Variants in ARID2 observed in about 807,000 individuals in gnomAD.
ARID2 encodes AT-rich interactive domain-containing protein 2.
Under a neutral mutation model 184.6 loss-of-function variants are expected in ARID2, and 32 were observed. That is an observed-to-expected ratio of 0.17 (90% CI 0.13 to 0.23). The LOEUF (loss-of-function observed/expected upper bound fraction) is 0.23. ARID2 is among the 10% of genes least tolerant of loss of function. ARID2 has a pLI of 1.00. For missense variants in ARID2, 1,696 were observed against 2,197.6 expected (o/e 0.77, Z 4.56); for synonymous variants, 836 against 772.6 (o/e 1.08, Z -1.36).
In ARID2 at chr12:45,852,134, G is replaced by A. The variant is rs2138176305; in HGVS notation, c.4011G>A (p.Gly1337=). Residue 1337 remains glycine (G), a synonymous_variant, in exon 15 of 21, where the codon GGG becomes GGA. Transcript: ENST00000334344. ...SLELGENGAS[G]KQNSEQIDMQ... ...AATTAGGTGAGAATGGAGCATCTGG[G>A]AAACAGAACTCAGAACAAATAGACA... 6 of 1,614,112 alleles carry A rather than the reference G, an allele frequency of 3.7e-6. No individual in the cohort carries two copies. In the South Asian group the frequency reaches 6.6e-5, roughly 18 times the overall value.
At position 45,906,960 on chromosome 12, in the gene ARID2, CA is replaced by C. The variant is rs1286278890; in HGVS notation, c.*1883del. The C allele has an allele frequency of 1.3e-5, 3 of 231,614 alleles. No individual in the cohort carries two copies. The highest frequency in any genetic ancestry group is 6.6e-5 in the African/African-American group (3 of 45,244). The allele number at this position is 231,614 out of a possible 1,614,324, so 14.3% of individuals were successfully genotyped here. On this transcript the variant is annotated 3_prime_UTR_variant, in exon 21 of 21. Transcript: ENST00000334344. The stretch of plus-strand genomic sequence containing the variant: ...CTTAGAGTGAAAAAGCCTCAGTTTC[CA>C]TATTAAAAATGTTTTAAATATTTTG...
At chr12:45,857,583 A>G (rs921558147) in intron 15 of ARID2, among the ~76,000 whole-genome samples, 4 of 152,192 alleles carry the variant, frequency 2.6e-5, no homozygotes, top group Non-Finnish European at 5.9e-5. Context: ...AAATGAGGAA[A>G]TGTTAGAGCT....
In ARID2 at chr12:45,836,603, C is replaced by T. The variant is rs975467320; in HGVS notation, c.720C>T (p.Ile240=). The T allele has an allele frequency of 1.4e-5, 23 of 1,609,464 alleles. No homozygotes were observed. The highest frequency in any genetic ancestry group is 2.2e-5 in the South Asian group (2 of 89,668). ...DRDFVKFWKD[I]VDDNEVRDLI... ...TATCATTACAGTTTTGGAAAGACAT[C>T]GTTGATGATAATGAAGTTCGTGACC... is the stretch of plus-strand genomic sequence containing the variant. Residue 240 remains isoleucine (I), a synonymous_variant, in exon 7 of 21, where the codon ATC becomes ATT. Coordinates refer to ENST00000334344, the MANE Select transcript of ARID2 (RefSeq NM_152641.4).
chr12:45,854,726 T>C (rs920891849), intron 15 of ARID2, among the ~76,000 whole-genome samples: 2 of 152,224 alleles, frequency 1.3e-5, no homozygotes, highest in African/African-American at 4.8e-5. Flanking sequence ...CCAACACTCA[T>C]TTTTTGTACC....
intron 3 of ARID2, among the ~76,000 whole-genome samples, chr12:45,741,541 T>C (rs1383537982): frequency 6.6e-6 from 1 of 152,190 alleles, no homozygotes; most frequent in African/African-American, 2.4e-5. Context: ...TTTTCATTCT[T>C]ATTTATTTAT....
In ARID2 at chr12:45,837,499, C is replaced by T. The variant is rs778844463; in HGVS notation, c.1122C>T (p.Gly374=). The part of the protein sequence containing the change: ...MSRDRFLKMR[G]MEILGNLCKA... Reference sequence around the variant, plus strand: ...AATACATATTTGTATGTTTTTCAGGCATGGAAATTTTGGGAAATCTTTGCA... The same window carrying T: ...AATACATATTTGTATGTTTTTCAGGTATGGAAATTTTGGGAAATCTTTGCA... Residue 374 remains glycine, a splice_region_variant and synonymous_variant, in exon 10 of 21, where the codon GGC becomes GGT. Coordinates refer to ENST00000334344, the MANE Select transcript of ARID2 (RefSeq NM_152641.4). 2.3e-5 allele frequency: 37 copies of T among 1,613,656 alleles called. No individual in the cohort carries two copies. The South Asian group carries it at 3.2e-4, about 14-fold the overall frequency.
chr12:45,823,195 A>G (rs1393669058), intron 6 of ARID2, among the ~76,000 whole-genome samples: 1 of 152,182 alleles, frequency 6.6e-6, no homozygotes, highest in Non-Finnish European at 1.5e-5. Context: ...TGTTAATACA[A>G]GAAAATTAAC....
rs144591817 is a variant in ARID2, at chr12:45,846,856, C to G, written c.1499C>G (p.Ala500Gly). ...QTQTHVASAP[A>G]SRAVVAQHVA... is the part of the protein sequence containing the mutation. The stretch of plus-strand genomic sequence containing the variant: ...GTAGCTAATGTATTTTTTTCTTTAG[C>G]TTCCAGAGCAGTTGTAGCGCAGCAT... Residue 500 changes from alanine to glycine, a missense_variant and splice_region_variant, in exon 12 of 21, where the codon GCT becomes GGT. Coordinates refer to ENST00000334344, the MANE Select transcript of ARID2 (RefSeq NM_152641.4). 714 of 1,610,716 alleles carry G rather than the reference C, an allele frequency of 4.4e-4. No homozygotes were observed. Among genetic ancestry groups the G allele is most frequent in the Non-Finnish European group, 5.9e-4 (697 of 1,178,442 alleles).
intron 3 of ARID2, among the ~76,000 whole-genome samples, chr12:45,746,774 AT>A (rs926904684): frequency 2.1e-4 from 32 of 149,460 alleles, no homozygotes; most frequent in Non-Finnish European, 4.2e-4. Context: ...TGGATCTAGT[AT>A]TTTTTTTTTG....
intron 16 of ARID2, among the ~76,000 whole-genome samples, chr12:45,875,807 T>C (rs1195290724): frequency 1.3e-5 from 2 of 152,194 alleles, no homozygotes; most frequent in East Asian, 1.9e-4. Context: ...AACCTATGCA[T>C]AGAATTTAAG....
chr12:45,827,076 G>A (rs1051425088), intron 6 of ARID2, among the ~76,000 whole-genome samples: 4 of 151,180 alleles, frequency 2.6e-5, no homozygotes, highest in Admixed American at 6.6e-5. Context: ...TGGGATGTAC[G>A]TACTCACATC....
chr12:45,891,022 G>A (rs1046252394), intron 16 of ARID2, among the ~76,000 whole-genome samples: 3 of 151,974 alleles, frequency 2.0e-5, no homozygotes, highest in Admixed American at 6.6e-5. Flanking sequence ...AAAATTAGCC[G>A]CGCATGGTGG....
In ARID2 at chr12:45,809,074, C is replaced by T. The variant is rs140154746; in HGVS notation, c.285-2344C>T. 2.6e-3 allele frequency among the ~76,000 whole-genome samples: 392 copies of T among 152,190 alleles called. 3 individuals are homozygous for T. The highest frequency in any genetic ancestry group is 8.7e-3 in the African/African-American group (361 of 41,516). On this transcript the variant is annotated intron_variant, in intron 3 of 20. Coordinates refer to ENST00000334344, the MANE Select transcript of ARID2 (RefSeq NM_152641.4). ...GCCACTGCACCCACCCTAAAAAACACGTAAATTTTAAATCTACTGTACTAA... is the reference window on the plus strand; with the variant it reads ...GCCACTGCACCCACCCTAAAAAACATGTAAATTTTAAATCTACTGTACTAA...
chr12:45,844,444 C>T (rs1222847368), intron 11 of ARID2, among the ~76,000 whole-genome samples: 2 of 152,154 alleles, frequency 1.3e-5, no homozygotes, highest in African/African-American at 4.8e-5. Context: ...CATTACTCTA[C>T]AATTTATCTG....
At position 45,905,480 on chromosome 12, in the gene ARID2, C is replaced by T. The variant is rs1487468834; in HGVS notation, c.*402C>T. On this transcript the variant is annotated 3_prime_UTR_variant, in exon 21 of 21. Coordinates refer to ENST00000334344, the MANE Select transcript of ARID2 (RefSeq NM_152641.4). ...ATTTTTATCTATATCCAAAAAGGAG[C>T]ACATTTTTATATTTACAAAACCGTT... 4.3e-6 allele frequency: 1 copy of T among 233,766 alleles called. No individual in the cohort carries two copies. The highest frequency in any genetic ancestry group is 2.2e-5 in the African/African-American group (1 of 45,312). The allele number at this position is 233,766 out of a possible 1,614,324, so 14.5% of individuals were successfully genotyped here. A position where few individuals can be genotyped will look rare whatever the true frequency, so the allele number is the denominator to read the frequency against.
rs75596370 is a variant in ARID2, at chr12:45,772,209, A to T, written c.285-39209A>T. Among the ~76,000 whole-genome samples, 627 of 152,360 alleles carry T rather than the reference A, an allele frequency of 4.1e-3. 6 individuals are homozygous for T. The highest frequency in any genetic ancestry group is 0.013 in the African/African-American group (546 of 41,582). On this transcript the variant is annotated intron_variant, in intron 3 of 20. Transcript: ENST00000334344. ...AGGAATGGAGAAACAAAAACATGAG[A>T]TACACACAGAACAAAAAGTAGATTA...
At chr12:45,750,388 A>G (rs1941439976) in intron 3 of ARID2, among the ~76,000 whole-genome samples, 1 of 152,092 alleles carries the variant, frequency 6.6e-6, no homozygotes, top group African/African-American at 2.4e-5. Context: ...CATAATGGAT[A>G]TAATAATAAT....
At chr12:45,838,139 A>G (rs750608485) in intron 10 of ARID2, among the ~76,000 whole-genome samples, 9 of 152,318 alleles carry the variant, frequency 5.9e-5, no homozygotes, top group Middle Eastern at 3.4e-3. Flanking sequence ...TCTGTTTCAT[A>G]TGGCCAGCTA....
At chr12:45,742,046 C>T (rs533306290) in intron 3 of ARID2, among the ~76,000 whole-genome samples, 12 of 152,272 alleles carry the variant, frequency 7.9e-5, no homozygotes, top group African/African-American at 2.6e-4. Context: ...TATATATGTT[C>T]ATCTTCTCAG....
Sources: gnomAD v4.1 joint callset for allele counts (sites outside exome capture counted in the v4.1 genomes callset) on GRCh38, gnomAD v4.1.1 for gene constraint, MANE v1.5 for transcripts, NCBI Gene and HGNC (gene_info 2026-07-23, HGNC 2026-07-21) for gene names.